Variants in PKHD1L1 observed in about 807,000 individuals in gnomAD.
PKHD1L1 encodes PKHD1 like 1, also known as fibrocystin-L.
PKHD1L1 carries 434 observed loss-of-function variants against 462.9 expected under a neutral mutation model. The observed-to-expected ratio is 0.94, with a 90% CI of 0.87 to 1.02. The LOEUF is 1.02. Among genes scored for constraint, PKHD1L1 ranks in the 50% least tolerant of loss-of-function variants. PKHD1L1 has a pLI of 0.00. For missense variants in PKHD1L1, 5,202 were observed against 5,096.1 expected, an observed-to-expected ratio of 1.02 and a Z score of -0.63; for synonymous variants, 1,781 against 1,750.0, an observed-to-expected ratio of 1.02 and a Z score of -0.44.
intron 59 of PKHD1L1, among the ~76,000 whole-genome samples, chr8:109,488,914 A>G (rs533923307): frequency 1.3e-5 from 2 of 152,058 alleles, no homozygotes; most frequent in Admixed American, 1.3e-4. Flanking sequence ...AAAGGGGTAA[A>G]GTTGCTTTGA....
chr8:109,519,470 C>A (rs1315471914), intron 73 of PKHD1L1, among the ~76,000 whole-genome samples: 1 of 152,100 alleles, frequency 6.6e-6, no homozygotes, highest in African/African-American at 2.4e-5. Flanking sequence ...CTCTGCTCTA[C>A]ATATGCATCT....
At chr8:109,434,879 A>T (rs958079270) in intron 28 of PKHD1L1, among the ~76,000 whole-genome samples, 2 of 143,534 alleles carry the variant, frequency 1.4e-5, no homozygotes, top group Non-Finnish European at 2.9e-5. Context: ...GAGCTTATAA[A>T]CTAGTTTTTT....
Position 109,389,117 on chromosome 8 carries a change from G to T in PKHD1L1, c.662G>T (p.Gly221Val). Residue 221 changes from glycine to valine, a missense_variant, in exon 8 of 78, where the codon GGT becomes GTT. By Grantham distance (109) the Gly-to-Val change is moderately radical. This residue lies in a region of PKHD1L1 where 4,497 missense variants were observed against 4,336.8 expected (regional missense o/e 1.04). Transcript: ENST00000378402. ...LKLDHPNGDMGSMVCKTTGTF... is the reference protein window; with the variant it reads ...LKLDHPNGDMVSMVCKTTGTF... ...CTGGATCATCCAAATGGAGATATGG[G>T]TTCTATGGTTTGTAAGACGACTGGA... is the stretch of plus-strand genomic sequence containing the variant. 2.5e-6 allele frequency: 4 copies of T among 1,611,078 alleles called. No individual in the cohort carries two copies. The highest frequency in any genetic ancestry group is 3.4e-6 in the Non-Finnish European group (4 of 1,178,040).
chr8:109,482,225 TA>T (rs1818308995), intron 56 of PKHD1L1, among the ~76,000 whole-genome samples: 1 of 151,832 alleles, frequency 6.6e-6, no homozygotes, highest in African/African-American at 2.4e-5. Context: ...GTACAATTTC[TA>T]AAACTGACAC....
Position 109,464,963 on chromosome 8 carries a change from G to T in PKHD1L1, c.8131G>T (p.Gly2711Cys), listed in dbSNP as rs1201050500. ...GAVIKNAKIV[G>C]HLDELGMGSA... is the part of the protein sequence containing the mutation. ...GGTGATTAAAAATGCCAAAATAGTC[G>T]GCCATCTTGATGAACTGGGAATGGG... The change falls in exon 49 of 78, where the codon GGC (glycine) becomes TGC (cysteine). Residue 2711 changes from glycine (G) to cysteine (C), a missense_variant. Physicochemically the swap from Gly to Cys is radical, Grantham distance 159 (BLOSUM62 -3). Coordinates refer to ENST00000378402, the MANE Select transcript of PKHD1L1 (RefSeq NM_177531.6). The T allele has an allele frequency of 3.1e-6, 5 of 1,613,656 alleles. No homozygotes were observed. The East Asian group carries it at 8.9e-5, about 29-fold the overall frequency.
At chr8:109,502,967 C>T (rs6995033) in intron 67 of PKHD1L1, among the ~76,000 whole-genome samples, 23,608 of 152,218 alleles carry the variant, frequency 0.16, 2,286 homozygotes, top group South Asian at 0.37. Context: ...TACATAATCT[C>T]TCAGGTGAGG....
At chr8:109,413,658 G>C in intron 21 of PKHD1L1, 113 bp downstream of exon 21, 168 of 728,118 alleles carry the variant, frequency 2.3e-4, no homozygotes, top group Non-Finnish European at 3.0e-4. Context: ...GGGAGATGAG[G>C]GCAAATAATG....
At position 109,464,355 on chromosome 8, in the gene PKHD1L1, C is replaced by T. The variant is rs749312580; in HGVS notation, c.7523C>T (p.Thr2508Ile). ...AYNRAVTIHN[T>I]HHLLVERNII... ...AACAGAGCTGTTACTATTCATAACA[C>T]ACACCATCTTCTGGTTGAGAGGAAT... Residue 2508 changes from threonine to isoleucine, a missense_variant, in exon 49 of 78, where the codon ACA (threonine) becomes ATA (isoleucine). By Grantham distance (89) the Thr-to-Ile change is moderately conservative (BLOSUM62 -1). Transcript: ENST00000378402. The T allele has an allele frequency of 5.6e-6, 9 of 1,613,330 alleles. No individual in the cohort carries two copies. The highest frequency in any genetic ancestry group is 6.8e-6 in the Non-Finnish European group (8 of 1,179,560).
Position 109,381,346 on chromosome 8 carries a change from A to G in PKHD1L1, c.164-24A>G, listed in dbSNP as rs764396332. The G allele has an allele frequency of 2.6e-6, 4 of 1,533,214 alleles. No homozygotes were observed. In the South Asian group the frequency reaches 4.8e-5, roughly 18 times the overall value. The allele number at this position is 1,533,214 out of a possible 1,614,324, so 95.0% of individuals were successfully genotyped here. A position where few individuals can be genotyped will look rare whatever the true frequency, so the allele number is the denominator to read the frequency against. The stretch of plus-strand genomic sequence containing the variant: ...CTGAAGATAGAATACCATTAATAAT[A>G]ATTAAGTCTTCTTACTTTTCCAGGT... On this transcript the variant is annotated intron_variant, in intron 2 of 77. Coordinates refer to ENST00000378402, the MANE Select transcript of PKHD1L1 (RefSeq NM_177531.6).
At position 109,456,246 on chromosome 8, in the gene PKHD1L1, T is replaced by C; in HGVS notation, c.6875-16T>C. 1 of 1,606,562 alleles carries C rather than the reference T, an allele frequency of 6.2e-7. No homozygotes were observed. Among genetic ancestry groups the C allele is most frequent in the South Asian group, 1.1e-5 (1 of 89,666 alleles). ...AACACATGTAAGGAAATACTCAGTG[T>C]GTATGTTGGTTCTAGGTGTGCCTGT... On this transcript the variant is annotated splice_polypyrimidine_tract_variant and intron_variant, in intron 45 of 77. Coordinates refer to ENST00000378402, the MANE Select transcript of PKHD1L1 (RefSeq NM_177531.6).
At chr8:109,451,458 C>A (rs75339597) in intron 41 of PKHD1L1, among the ~76,000 whole-genome samples, 10 of 152,280 alleles carry the variant, frequency 6.6e-5, no homozygotes, top group African/African-American at 2.4e-4. Context: ...TGTAGCATCA[C>A]AAATATAAAT....
At chr8:109,445,786 C>A (rs904486519) in intron 38 of PKHD1L1, 141 bp downstream of exon 38, 3 of 914,316 alleles carry the variant, frequency 3.3e-6, no homozygotes, top group African/African-American at 1.7e-5. Flanking sequence ...GGGATTCAAG[C>A]TCTGTGTAGT....
Position 109,490,006 on chromosome 8 carries a change from G to A in PKHD1L1, c.9935G>A (p.Arg3312Lys). The A allele has an allele frequency of 6.2e-7, 1 of 1,609,830 alleles. No individual in the cohort carries two copies. The highest frequency in any genetic ancestry group is 8.5e-7 in the Non-Finnish European group (1 of 1,176,978). Residue 3312 changes from arginine to lysine, a missense_variant, in exon 60 of 78, where the codon AGG (arginine) becomes AAG (lysine). Transcript: ENST00000378402. ...TATCACAGTGGTCAAGAAGGCTTCA[G>A]GGATAGCACAGATCCAAGATATGCT... ...EFYHSGQEGF[R>K]DSTDPRYAVT...
chr8:109,363,517 A>G (rs1586350226), intron 1 of PKHD1L1, among the ~76,000 whole-genome samples: 1 of 152,140 alleles, frequency 6.6e-6, no homozygotes, highest in East Asian at 1.9e-4. Flanking sequence ...AGAAATTAAT[A>G]ATTTCTGTGG....
chr8:109,379,626 G>T (rs774120101), intron 2 of PKHD1L1, among the ~76,000 whole-genome samples: 3 of 152,164 alleles, frequency 2.0e-5, no homozygotes, highest in Non-Finnish European at 2.9e-5. Flanking sequence ...GATATAAAGG[G>T]CTGCTTCCCT....
intron 38 of PKHD1L1, among the ~76,000 whole-genome samples, chr8:109,446,179 C>T (rs1222468706): frequency 6.6e-6 from 1 of 152,082 alleles, no homozygotes; most frequent in Non-Finnish European, 1.5e-5. Context: ...TCTAATTTAA[C>T]AATAGGTTGA....
rs758743723 is a variant in PKHD1L1 at position 109,518,217 on chromosome 8, G to A, written c.11740G>A (p.Asp3914Asn). Residue 3914 changes from aspartate (D) to asparagine (N), a missense_variant, in exon 73 of 78, where the codon GAT becomes AAT. Asp to Asn is a conservative substitution (Grantham distance 23, BLOSUM62 1). Coordinates refer to ENST00000378402, the MANE Select transcript of PKHD1L1 (RefSeq NM_177531.6). ...DSTVLGENYF[D>N]GTYQMLYLLV... ...CACTGTCCTTGGTGAAAACTACTTT[G>A]ATGGAACCTACCAGATGCTTTATCT... is the stretch of plus-strand genomic sequence containing the variant. 1.5e-5 allele frequency: 24 copies of A among 1,610,186 alleles called. No individual in the cohort carries two copies. The highest frequency in any genetic ancestry group is 2.7e-5 in the African/African-American group (2 of 74,790).
chr8:109,421,106 TC>T (rs1814440697), intron 23 of PKHD1L1, among the ~76,000 whole-genome samples: 1 of 151,954 alleles, frequency 6.6e-6, no homozygotes, highest in Non-Finnish European at 1.5e-5. Flanking sequence ...AAGTGGTTTT[TC>T]ATAATTCCAG....
chr8:109,406,877 G>T (rs553005864), intron 17 of PKHD1L1, among the ~76,000 whole-genome samples: 8 of 151,800 alleles, frequency 5.3e-5, no homozygotes, highest in African/African-American at 1.7e-4. Context: ...CTTCCTTGAA[G>T]ATTGACAGAG....
Sources: allele counts gnomAD v4.1 joint callset (sites outside exome capture counted in the v4.1 genomes callset), GRCh38; gene constraint gnomAD v4.1.1; regional missense constraint gnomAD v4.1.1; transcripts MANE v1.5; gene names NCBI Gene and HGNC (gene_info 2026-07-23, HGNC 2026-07-21).